IMMP2L: variants seen among roughly 807,000 people sequenced by gnomAD.
The protein encoded by IMMP2L is inner mitochondrial membrane peptidase subunit 2, also known as mitochondrial inner membrane protease subunit 2.
A neutral mutation model predicts 19.3 loss-of-function variants in IMMP2L; 18 were observed. The ratio of observed to expected loss-of-function variants is 0.93; its 90% CI spans 0.64 to 1.38. The LOEUF (loss-of-function observed/expected upper bound fraction) is 1.38. IMMP2L is among the 40% of genes most tolerant of loss of function. IMMP2L has a pLI of 0.00. For missense variants in IMMP2L, 233 were observed against 218.2 expected (o/e 1.07, Z -0.43); for synonymous variants, 76 against 73.0 (o/e 1.04, Z -0.21).
At chr7:111,001,754 T>C (rs1220016167) in intron 3 of IMMP2L, among the ~76,000 whole-genome samples, 1 of 152,230 alleles carries the variant, frequency 6.6e-6, no homozygotes, top group Non-Finnish European at 1.5e-5. Flanking sequence ...GGTCAAACTA[T>C]AATTTGCAAT....
intron 5 of IMMP2L, among the ~76,000 whole-genome samples, chr7:110,814,372 T>C (rs541086704): frequency 5.9e-5 from 9 of 151,754 alleles, no homozygotes; most frequent in Non-Finnish European, 1.3e-4. Context: ...TGAAGAGCAT[T>C]GTTCTCTATT....
chr7:110,766,931 C>T (rs965936479), intron 5 of IMMP2L, among the ~76,000 whole-genome samples: 7 of 152,044 alleles, frequency 4.6e-5, no homozygotes, highest in African/African-American at 1.7e-4. Context: ...AGGAAACTTA[C>T]AGCAATTTTC....
intron 3 of IMMP2L, among the ~76,000 whole-genome samples, chr7:111,273,678 A>T (rs554107162): frequency 6.6e-6 from 1 of 152,224 alleles, no homozygotes; most frequent in South Asian, 2.1e-4. Flanking sequence ...CAAGGTCTGA[A>T]GGGGTCTTAA....
chr7:110,859,647 G>A (rs1807172862), intron 5 of IMMP2L, among the ~76,000 whole-genome samples: 1 of 151,714 alleles, frequency 6.6e-6, no homozygotes, highest in Admixed American at 6.6e-5. Flanking sequence ...GGAGGCTGAG[G>A]TGGGAGGATC....
intron 5 of IMMP2L, among the ~76,000 whole-genome samples, chr7:110,738,217 G>T (rs535227033): frequency 1.3e-5 from 2 of 152,126 alleles, no homozygotes; most frequent in Non-Finnish European, 2.9e-5. Context: ...AAAAATCTCC[G>T]AATTGTTAGA....
At chr7:110,871,136 G>T (rs529412708) in intron 5 of IMMP2L, among the ~76,000 whole-genome samples, 1 of 152,202 alleles carries the variant, frequency 6.6e-6, no homozygotes, top group South Asian at 2.1e-4. Flanking sequence ...TGAGTAACTG[G>T]GTGGATAGTG....
At chr7:110,738,826 G>A (rs1796810317) in intron 5 of IMMP2L, among the ~76,000 whole-genome samples, 1 of 152,156 alleles carries the variant, frequency 6.6e-6, no homozygotes, top group Admixed American at 6.5e-5. Context: ...AAAGCATCAG[G>A]TTCTGTAATG....
chr7:110,876,730 A>C (rs1016810923), intron 5 of IMMP2L, among the ~76,000 whole-genome samples: 9 of 152,114 alleles, frequency 5.9e-5, no homozygotes, highest in African/African-American at 2.2e-4. Context: ...ATTTGAACCA[A>C]TAGTATTATC....
intron 2 of IMMP2L, among the ~76,000 whole-genome samples, chr7:111,498,120 T>G (rs770897426): frequency 6.6e-6 from 1 of 152,040 alleles, no homozygotes; most frequent in Non-Finnish European, 1.5e-5. Context: ...AACAAGCTCT[T>G]CAGTATTTAA....
intron 3 of IMMP2L, among the ~76,000 whole-genome samples, chr7:111,024,505 T>C (rs1341231613): frequency 2.0e-5 from 3 of 152,214 alleles, no homozygotes; most frequent in Non-Finnish European, 2.9e-5. Context: ...CTCCTTTCTA[T>C]GCTGCATCTT....
At chr7:111,557,911 G>GA (rs199723823) in intron 1 of IMMP2L, among the ~76,000 whole-genome samples, 29 of 149,192 alleles carry the variant, frequency 1.9e-4, no homozygotes, top group East Asian at 1.6e-3. Context: ...TTTGAGTATA[G>GA]AAAAAAAAAC....
chr7:110,802,405 T>C (rs2131219648), intron 5 of IMMP2L, among the ~76,000 whole-genome samples: 1 of 151,788 alleles, frequency 6.6e-6, no homozygotes, highest in African/African-American at 2.4e-5. Flanking sequence ...CTCTATATTC[T>C]TTTTTTAATT....
At chr7:110,866,821 C>T (rs907730589) in intron 5 of IMMP2L, among the ~76,000 whole-genome samples, 1 of 152,018 alleles carries the variant, frequency 6.6e-6, no homozygotes, top group African/African-American at 2.4e-5. Flanking sequence ...TCTAAGCATA[C>T]ACACATAGCT....
intron 5 of IMMP2L, among the ~76,000 whole-genome samples, chr7:110,682,626 C>T (rs1244189511): frequency 5.9e-5 from 9 of 152,064 alleles, no homozygotes; most frequent in Admixed American, 1.3e-4. Context: ...TGAACAGTCA[C>T]GGGATCACAG....
chr7:111,310,417 T>C (rs1823388687), intron 3 of IMMP2L, among the ~76,000 whole-genome samples: 1 of 152,064 alleles, frequency 6.6e-6, no homozygotes. Context: ...AGAAACTCTA[T>C]AGCTTAAAAT....
At chr7:110,843,115 A>G (rs899625588) in intron 5 of IMMP2L, among the ~76,000 whole-genome samples, 3 of 108,902 alleles carry the variant, frequency 2.8e-5, no homozygotes, top group Non-Finnish European at 3.9e-5. Context: ...GAGGAGTAAC[A>G]ACGACGACAA....
intron 5 of IMMP2L, among the ~76,000 whole-genome samples, chr7:110,791,055 C>T (rs1288955236): frequency 6.6e-6 from 1 of 151,470 alleles, no homozygotes; most frequent in Non-Finnish European, 1.5e-5. Context: ...CCCATGAAAA[C>T]ATAGCTCTTC....
At chr7:111,219,141 G>A (rs1166034684) in intron 3 of IMMP2L, among the ~76,000 whole-genome samples, 2 of 151,990 alleles carry the variant, frequency 1.3e-5, no homozygotes, top group African/African-American at 2.4e-5. Flanking sequence ...CTGTTTAGCT[G>A]TTAACCATCA....
intron 4 of IMMP2L, among the ~76,000 whole-genome samples, chr7:110,945,993 G>C (rs1201035291): frequency 6.6e-6 from 1 of 152,150 alleles, no homozygotes; most frequent in Non-Finnish European, 1.5e-5. Context: ...TGGGAAGATA[G>C]CACCATTTTA....
Sources: allele counts gnomAD v4.1 joint callset (sites outside exome capture counted in the v4.1 genomes callset), GRCh38; gene constraint gnomAD v4.1.1; transcripts MANE v1.5; gene names NCBI Gene and HGNC (gene_info 2026-07-23, HGNC 2026-07-21).